The following TCEA2 variants were observed in gnomAD, a reference collection of about 807,000 sequenced individuals.
TCEA2 encodes transcription elongation factor A2.
A neutral mutation model predicts 40.8 loss-of-function variants in TCEA2; 21 were observed. The observed-to-expected ratio is 0.51, with a 90% CI of 0.36 to 0.74. The LOEUF (loss-of-function observed/expected upper bound fraction) is 0.74. Ranked by LOEUF, TCEA2 falls within the 30% of genes least tolerant of loss-of-function variation. The pLI is 0.00. For synonymous variants in TCEA2, 165 were observed against 162.7 expected (o/e 1.01, Z -0.11); for missense variants, 326 against 426.5 (o/e 0.76, Z 2.08).
chr20:64,065,542 G>GGAGT (rs2059671950), intron 1 of TCEA2: 2 of 151,184 alleles, frequency 1.3e-5, no homozygotes, highest in African/African-American at 4.8e-5. Flanking sequence ...AGGGAGGGAG[G>GGAGT]GAGGGAGGGA....
At chr20:64,056,344 G>A (rs1355487069), upstream of TCEA2, among the ~76,000 whole-genome samples, 1 of 152,220 alleles carries the variant, frequency 6.6e-6, no homozygotes, top group Non-Finnish European at 1.5e-5. Context: ...GGACAGGGGA[G>A]CACTTGCTGG....
upstream of TCEA2, chr20:64,056,880 G>A (rs761251747): frequency 6.6e-6 from 1 of 152,252 alleles, no homozygotes; most frequent in Non-Finnish European, 1.5e-5. Context: ...CCTCCAAGGT[G>A]GGTCACATCT....
In TCEA2 at chr20:64,072,100, G is replaced by C. The variant is rs959099542; in HGVS notation, c.892-72G>C. Reference sequence around the variant, plus strand: ...GGGTGGAGAGCCCAGCCTTGGGTGAGCCTGTGCGGCCTTCCACTCTGGGGG... The same window carrying C: ...GGGTGGAGAGCCCAGCCTTGGGTGACCCTGTGCGGCCTTCCACTCTGGGGG... On this transcript the variant is annotated intron_variant, in intron 9 of 9. Coordinates refer to ENST00000343484, the MANE Select transcript of TCEA2 (RefSeq NM_003195.6). The C allele has an allele frequency of 3.1e-6, 5 of 1,604,934 alleles. No individual in the cohort carries two copies. In the African/African-American group the frequency reaches 6.7e-5, roughly 21 times the overall value.
At chr20:64,056,411 G>A (rs920158664), upstream of TCEA2, among the ~76,000 whole-genome samples, 1 of 152,310 alleles carries the variant, frequency 6.6e-6, no homozygotes, top group East Asian at 1.9e-4. Context: ...CCTGGGTGGG[G>A]TCCACTGGGG....
At chr20:64,057,351 C>CT (rs1406879032) in exon 1 of TCEA2, 1 of 152,334 alleles carries the variant, frequency 6.6e-6, no homozygotes, top group African/African-American at 2.4e-5. Flanking sequence ...GGATCCAGGC[C>CT]TTGCCTCTGG....
At chr20:64,065,074 A>T (rs1454148146) in intron 1 of TCEA2, among the ~76,000 whole-genome samples, 2 of 152,006 alleles carry the variant, frequency 1.3e-5, no homozygotes, top group Non-Finnish European at 2.9e-5. Flanking sequence ...AGTGGGAGCC[A>T]GCAGAGCCTC....
exon 1 of TCEA2, chr20:64,057,542 TC>T (rs949871982): frequency 1.3e-5 from 2 of 152,212 alleles, no homozygotes; most frequent in Non-Finnish European, 2.9e-5. Flanking sequence ...CACAGGAGAA[TC>T]GATGGTTCTG....
At chr20:64,069,961 G>A in intron 6 of TCEA2, 140 bp downstream of exon 6, 1 of 1,116,824 alleles carries the variant, frequency 9.0e-7, no homozygotes, top group East Asian at 2.5e-5. Flanking sequence ...CTGCCTGGGT[G>A]GTCAGGCTGT....
intron 8 of TCEA2, among the ~76,000 whole-genome samples, chr20:64,071,332 A>G (rs1255451797): frequency 6.7e-6 from 1 of 150,118 alleles, no homozygotes; most frequent in Non-Finnish European, 1.5e-5. Context: ...TGGGCGACAG[A>G]GCGAGACTCC....
chr20:64,061,890 G>A (rs1008006455), upstream of TCEA2, among the ~76,000 whole-genome samples: 2 of 151,692 alleles, frequency 1.3e-5, no homozygotes, highest in Admixed American at 1.3e-4. Flanking sequence ...CACCACACCT[G>A]GCTAGTTTTT....
At chr20:64,063,546 G>A (rs2059617491) in intron 1 of TCEA2, 162 bp downstream of exon 1, 3 of 819,708 alleles carry the variant, frequency 3.7e-6, no homozygotes, top group Non-Finnish European at 3.7e-6. Flanking sequence ...ACCCGTGGCC[G>A]AGACCCCTGC....
intron 2 of TCEA2, 28 bp downstream of exon 2, chr20:64,066,566 G>T: frequency 1.2e-6 from 2 of 1,608,832 alleles, no homozygotes; most frequent in South Asian, 1.1e-5. Flanking sequence ...CCAGGTCCAG[G>T]ACAGCTCCTG....
rs551600136 is a variant in TCEA2, at chr20:64,069,503, C to G, written c.460+12C>G. ...CCTGCAGACGGACCGTGAGTGCGGCCGGCCCTGGCTCCTGACACCCGCTGT... is the reference window on the plus strand; with the variant it reads ...CCTGCAGACGGACCGTGAGTGCGGCGGGCCCTGGCTCCTGACACCCGCTGT... On this transcript the variant is annotated intron_variant, in intron 5 of 9. Transcript: ENST00000343484. 1 of 1,610,704 alleles carries G rather than the reference C, an allele frequency of 6.2e-7. No homozygotes were observed. Among genetic ancestry groups the G allele is most frequent in the Admixed American group, 1.7e-5 (1 of 59,870 alleles).
At chr20:64,071,605 C>A (rs1413740911) in intron 8 of TCEA2, among the ~76,000 whole-genome samples, 1 of 152,238 alleles carries the variant, frequency 6.6e-6, no homozygotes, top group Admixed American at 6.5e-5. Context: ...ACCATTGGGA[C>A]CCTCTTGCCC....
In TCEA2 at chr20:64,063,262, C is replaced by T. The variant is rs2059608088; in HGVS notation, c.-51C>T. Reference sequence around the variant, plus strand: ...GCGACGGCCGGGGCCGGGGTCCTGCCCGGCTGCGGAGGCGGGCGCGACGGG... The same window carrying T: ...GCGACGGCCGGGGCCGGGGTCCTGCTCGGCTGCGGAGGCGGGCGCGACGGG... On this transcript the variant is annotated 5_prime_UTR_variant, in exon 1 of 10. Coordinates refer to ENST00000343484, the MANE Select transcript of TCEA2 (RefSeq NM_003195.6). 3 of 1,494,592 alleles carry T rather than the reference C, an allele frequency of 2.0e-6. No individual in the cohort carries two copies. Among genetic ancestry groups the T allele is most frequent in the Non-Finnish European group, 2.7e-6 (3 of 1,123,276 alleles). The allele number at this position is 1,494,592 out of a possible 1,614,324, so 92.6% of individuals were successfully genotyped here.
rs906907466 is a variant in TCEA2 at position 64,063,493 on chromosome 20, C to A, written c.72+109C>A. The A allele has an allele frequency of 2.0e-5, 26 of 1,271,830 alleles. No homozygotes were observed. The Admixed American group carries it at 2.9e-4, about 14-fold the overall frequency. The allele number at this position is 1,271,830 out of a possible 1,614,324, so 78.8% of individuals were successfully genotyped here. A position where few individuals can be genotyped will look rare whatever the true frequency, so the allele number is the denominator to read the frequency against. ...AGACGACCTGAGGGGCAGGACGAGA[C>A]CCCTCCCCGGCAGAGACTAACCGGG... is the stretch of plus-strand genomic sequence containing the variant. On this transcript the variant is annotated intron_variant, in intron 1 of 9. Coordinates refer to ENST00000343484, the MANE Select transcript of TCEA2 (RefSeq NM_003195.6).
Position 64,058,124 on chromosome 20 carries a change from A to G in TCEA2, c.-84+473A>G, listed in dbSNP as rs2059498064. On this transcript the variant is annotated intron_variant, in intron 1 of 10. Transcript: ENST00000361317. This position sits in a 1 kb window ranked among gnomAD's most constrained non-coding sequence, Gnocchi z 6.7. ...CATGTCAGGGTTCGGGGCTCCTGTC[A>G]TAGCGGAGTGGCTGCGGCCCGCAGG... is the stretch of plus-strand genomic sequence containing the variant. 6.6e-6 allele frequency among the ~76,000 whole-genome samples: 1 copy of G among 152,194 alleles called. No individual in the cohort carries two copies. The highest frequency in any genetic ancestry group is 2.1e-4 in the South Asian group (1 of 4,834).
At position 64,072,195 on chromosome 20, in the gene TCEA2, G is replaced by A. The variant is rs760543192; in HGVS notation, c.*15G>A. On this transcript the variant is annotated 3_prime_UTR_variant, in exon 10 of 10. Coordinates refer to ENST00000343484, the MANE Select transcript of TCEA2 (RefSeq NM_003195.6). Reference sequence around the variant, plus strand: ...AGTTCTGCTGACCCCTCGTGTAGATGTGCTGCAGCCTTGGGCCCTCCCCGG... The same window carrying A: ...AGTTCTGCTGACCCCTCGTGTAGATATGCTGCAGCCTTGGGCCCTCCCCGG... 12 of 1,611,160 alleles carry A rather than the reference G, an allele frequency of 7.4e-6. No homozygotes were observed. The highest frequency in any genetic ancestry group is 1.0e-5 in the Non-Finnish European group (12 of 1,178,644).
At chr20:64,064,876 C>T (rs1344412133) in intron 1 of TCEA2, among the ~76,000 whole-genome samples, 1 of 152,064 alleles carries the variant, frequency 6.6e-6, no homozygotes, top group Non-Finnish European at 1.5e-5. Context: ...TGGAGTTGTT[C>T]CCCTTCTTAA....
Sources: allele counts gnomAD v4.1 joint callset (sites outside exome capture counted in the v4.1 genomes callset), GRCh38; gene constraint gnomAD v4.1.1; non-coding constraint Gnocchi (gnomAD v3.1); transcripts MANE v1.5; gene names NCBI Gene and HGNC (gene_info 2026-07-23, HGNC 2026-07-21).